EFHD2: variants seen among roughly 807,000 people sequenced by gnomAD.
EFHD2 encodes EF-hand domain-containing protein D2.
A neutral mutation model predicts 20.3 loss-of-function variants in EFHD2; 12 were observed. That is an observed-to-expected ratio of 0.59 (90% CI 0.38 to 0.96). EFHD2 has a LOEUF of 0.96. Ranked by LOEUF, EFHD2 falls within the 40% of genes least tolerant of loss-of-function variation. The probability of loss-of-function intolerance (pLI) is 0.00; values close to 1 mark genes in which losing one functional copy is unlikely to be tolerated. For missense variants in EFHD2, 250 were observed against 334.3 expected, an observed-to-expected ratio of 0.75 and a Z score of 1.97; for synonymous variants, 131 against 143.9, an observed-to-expected ratio of 0.91 and a Z score of 0.64.
At chr1:15,418,299 C>CTTTTTTTTTT (rs764390342) in intron 1 of EFHD2, among the ~76,000 whole-genome samples, 1 of 76,874 alleles carries the variant, frequency 1.3e-5, no homozygotes, top group Non-Finnish European at 2.3e-5. Context: ...CGAGGAGCAA[C>CTTTTTTTTTT]TTTTTTTTTT....
chr1:15,426,116 A>T lies in EFHD2; in HGVS notation c.456+98A>T. 1 of 1,260,046 alleles carries T rather than the reference A, an allele frequency of 7.9e-7. No homozygotes were observed. The highest frequency in any genetic ancestry group is 1.1e-6 in the Non-Finnish European group (1 of 941,202). The allele number at this position is 1,260,046 out of a possible 1,614,324, so 78.1% of individuals were successfully genotyped here. A position where few individuals can be genotyped will look rare whatever the true frequency, so the allele number is the denominator to read the frequency against. On this transcript the variant is annotated intron_variant, in intron 2 of 3. Transcript: ENST00000375980. This position sits in a 1 kb window ranked among gnomAD's most constrained non-coding sequence, Gnocchi z 4.6. ...ACCCCCACCCTTTGTCAATGAATGA[A>T]TGACATTGCCATTGAACAGCAGCTG...
chr1:15,426,710 C>T lies in EFHD2; in HGVS notation c.457-440C>T, dbSNP rs967611377. ...CAGTGCAGGGTAACAGCTTAGAGTTCGAGAGCAGGGTTCCATCCCTCTGAC... is the reference window on the plus strand; with the variant it reads ...CAGTGCAGGGTAACAGCTTAGAGTTTGAGAGCAGGGTTCCATCCCTCTGAC... On this transcript the variant is annotated intron_variant, in intron 2 of 3. Coordinates refer to ENST00000375980, the MANE Select transcript of EFHD2 (RefSeq NM_024329.6). The surrounding 1 kb of genome is among the most constrained non-coding windows in gnomAD (Gnocchi z 4.6). 3.3e-5 allele frequency among the ~76,000 whole-genome samples: 5 copies of T among 152,022 alleles called. No homozygotes were observed. Among genetic ancestry groups the T allele is most frequent in the African/African-American group, 1.2e-4 (5 of 41,388 alleles).
At chr1:15,412,260 T>C (rs1707543155) in intron 1 of EFHD2, among the ~76,000 whole-genome samples, 1 of 152,030 alleles carries the variant, frequency 6.6e-6, no homozygotes, top group Non-Finnish European at 1.5e-5. Context: ...TGGATCACTG[T>C]CTGTCACTGC....
chr1:15,426,150 T>A lies in EFHD2; in HGVS notation c.456+132T>A. ...CCATTGAACAGCAGCTGTGAGCAGCTGCTGCTTGGCTGAGTGAGGCTTCAG... is the reference window on the plus strand; with the variant it reads ...CCATTGAACAGCAGCTGTGAGCAGCAGCTGCTTGGCTGAGTGAGGCTTCAG... On this transcript the variant is annotated intron_variant, in intron 2 of 3. Transcript: ENST00000375980. The surrounding 1 kb of genome is among the most constrained non-coding windows in gnomAD (Gnocchi z 4.6). The A allele has an allele frequency of 2.0e-6, 2 of 1,024,944 alleles. No individual in the cohort carries two copies. The highest frequency in any genetic ancestry group is 2.7e-6 in the Non-Finnish European group (2 of 747,506). The allele number at this position is 1,024,944 out of a possible 1,614,324, so 63.5% of individuals were successfully genotyped here.
At chr1:15,419,171 G>A (rs141836382) in intron 1 of EFHD2, among the ~76,000 whole-genome samples, 383 of 152,312 alleles carry the variant, frequency 2.5e-3, no homozygotes, top group African/African-American at 8.2e-3. Flanking sequence ...ACCAGCTGGG[G>A]ACCATGCTCA....
chr1:15,411,524 G>A (rs1707515669), intron 1 of EFHD2, among the ~76,000 whole-genome samples: 1 of 152,184 alleles, frequency 6.6e-6, no homozygotes, highest in South Asian at 2.1e-4. Flanking sequence ...CCAGGGGATG[G>A]GGAAGGTGCC....
rs1203061276 is a variant in EFHD2 at position 15,413,653 on chromosome 1, C to A, written c.308+3374C>A. On this transcript the variant is annotated intron_variant, in intron 1 of 3. Coordinates refer to ENST00000375980, the MANE Select transcript of EFHD2 (RefSeq NM_024329.6). This position sits in a 1 kb window ranked among gnomAD's most constrained non-coding sequence, Gnocchi z 4.4. ...GAGAGACCTGAAGGGTTGACTCCAA[C>A]CCCTCTCCCCATTTGACAGAAGAGG... Among the ~76,000 whole-genome samples the A allele has an allele frequency of 6.6e-6, 1 of 152,190 alleles. No individual in the cohort carries two copies. Among genetic ancestry groups the A allele is most frequent in the African/African-American group, 2.4e-5 (1 of 41,436 alleles).
intron 1 of EFHD2, among the ~76,000 whole-genome samples, chr1:15,421,052 A>G (rs781028116): frequency 6.6e-5 from 10 of 152,154 alleles, no homozygotes. Context: ...GCTCTGTGCC[A>G]AGAGTCTGCT....
rs763982700 is a variant in EFHD2, at chr1:15,410,217, C to T, written c.246C>T (p.Pro82=). 5 of 1,607,084 alleles carry T rather than the reference C, an allele frequency of 3.1e-6. No individual in the cohort carries two copies. Among genetic ancestry groups the T allele is most frequent in the Non-Finnish European group, 3.4e-6 (4 of 1,177,448 alleles). ...PQSPSRRVFN[P]YTEFKEFSRK... The stretch of plus-strand genomic sequence containing the variant: ...CGCCCAGCCGCCGCGTCTTCAACCC[C>T]TACACCGAGTTCAAGGAGTTCTCCA... The change falls in exon 1 of 4, where the codon CCC becomes CCT. Residue 82 remains proline (P), a synonymous_variant. Transcript: ENST00000375980.
chr1:15,421,453 G>A (rs1707790363), intron 1 of EFHD2, among the ~76,000 whole-genome samples: 1 of 152,146 alleles, frequency 6.6e-6, no homozygotes. Flanking sequence ...TGGACTCTTT[G>A]GCACCGCAGC....
chr1:15,410,300 G>A (rs778201367), intron 1 of EFHD2, 21 bp downstream of exon 1: 5 of 1,565,654 alleles, frequency 3.2e-6, no homozygotes, highest in Non-Finnish European at 3.4e-6. Flanking sequence ...GCGCGACCCG[G>A]CCCCCCGCCC....
At chr1:15,416,804 T>C (rs1707679127) in intron 1 of EFHD2, among the ~76,000 whole-genome samples, 1 of 152,076 alleles carries the variant, frequency 6.6e-6, no homozygotes, top group African/African-American at 2.4e-5. Context: ...TTTACCAGAC[T>C]GTAATCTGCA....
At chr1:15,414,683 G>T (rs1167585160) in intron 1 of EFHD2, among the ~76,000 whole-genome samples, 3 of 152,226 alleles carry the variant, frequency 2.0e-5, no homozygotes, top group African/African-American at 7.2e-5. Flanking sequence ...TTCCAGGTCT[G>T]CCAGGTTGTC....
intron 1 of EFHD2, among the ~76,000 whole-genome samples, chr1:15,411,415 G>A (rs910472689): frequency 6.6e-6 from 1 of 152,172 alleles, no homozygotes; most frequent in Non-Finnish European, 1.5e-5. Context: ...CTCTGTGGAG[G>A]GGCTAGGGAG....
chr1:15,428,973 C>T lies in EFHD2; in HGVS notation c.*249C>T, dbSNP rs1416681336. On this transcript the variant is annotated 3_prime_UTR_variant, in exon 4 of 4. Transcript: ENST00000375980. ...CCGGCCCGGCCCTCCCTGGCAATCC[C>T]TGGGCTCTCTTGCACCCCTAACTGC... 1 of 509,142 alleles carries T rather than the reference C, an allele frequency of 2.0e-6. No homozygotes were observed. The highest frequency in any genetic ancestry group is 3.5e-6 in the Non-Finnish European group (1 of 286,198). 31.5% of individuals were successfully genotyped at this position (509,142 alleles called of 1,614,324 possible).
At chr1:15,416,402 CT>C (rs1707671258) in intron 1 of EFHD2, among the ~76,000 whole-genome samples, 1 of 152,228 alleles carries the variant, frequency 6.6e-6, no homozygotes, top group Non-Finnish European at 1.5e-5. Context: ...CTGAGTTCCC[CT>C]GACTGCCGGG....
At chr1:15,418,601 G>A (rs935352264) in intron 1 of EFHD2, among the ~76,000 whole-genome samples, 9 of 151,646 alleles carry the variant, frequency 5.9e-5, no homozygotes, top group South Asian at 2.1e-4. Flanking sequence ...CACGGCACCC[G>A]GCCGCAACTT....
chr1:15,421,815 C>A (rs1707796275), intron 1 of EFHD2, among the ~76,000 whole-genome samples: 1 of 152,200 alleles, frequency 6.6e-6, no homozygotes, highest in South Asian at 2.1e-4. Flanking sequence ...TCACCAACAG[C>A]CCTCCTGACC....
In EFHD2 at chr1:15,428,571, C is replaced by T. The variant is rs368196982; in HGVS notation, c.592-22C>T. The stretch of plus-strand genomic sequence containing the variant: ...AACATACACCATCCAGCCCTGACCC[C>T]CTCACCCCCATGCCCCCGCAGGTCC... On this transcript the variant is annotated intron_variant, in intron 3 of 3. Coordinates refer to ENST00000375980, the MANE Select transcript of EFHD2 (RefSeq NM_024329.6). 778 of 1,608,778 alleles carry T rather than the reference C, an allele frequency of 4.8e-4. 1 individual carries two copies. The highest frequency in any genetic ancestry group is 6.1e-4 in the Non-Finnish European group (723 of 1,177,822).
Sources: gnomAD v4.1 joint callset for allele counts (sites outside exome capture counted in the v4.1 genomes callset) on GRCh38, gnomAD v4.1.1 for gene constraint, Gnocchi (gnomAD v3.1) non-coding constraint, MANE v1.5 for transcripts, NCBI Gene and HGNC (gene_info 2026-07-23, HGNC 2026-07-21) for gene names.